CADPS2: variants seen among roughly 807,000 people sequenced by gnomAD.
The protein encoded by CADPS2 is calcium dependent secretion activator 2.
Under a neutral mutation model 172.5 loss-of-function variants are expected in CADPS2, and 93 were observed. That is an observed-to-expected ratio of 0.54 (90% CI 0.46 to 0.64). CADPS2 has a LOEUF of 0.64. Ranked by LOEUF, CADPS2 falls within the 30% of genes least tolerant of loss-of-function variation. CADPS2 has a pLI of 0.00. For synonymous variants in CADPS2, 546 were observed against 555.2 expected, an observed-to-expected ratio of 0.98 and a Z score of 0.23; for missense variants, 1,420 against 1,565.9, an observed-to-expected ratio of 0.91 and a Z score of 1.57.
chr7:122,734,270 C>T lies in CADPS2; in HGVS notation c.453+2685G>A, dbSNP rs183703164. Among the ~76,000 whole-genome samples the T allele has an allele frequency of 1.2e-4, 17 of 137,034 alleles. No individual in the cohort carries two copies. The East Asian group carries it at 3.2e-3, about 26-fold the overall frequency. The allele number at this position is 137,034 out of a possible 152,430, so 89.9% of individuals were successfully genotyped here. ...TTAATTTCTCTGATGTCTGAGATTG[C>T]TAATAGATTTTGAAGTGCCCACAGT... On this transcript the variant is annotated intron_variant, in intron 2 of 29. Coordinates refer to ENST00000449022, the MANE Select transcript of CADPS2 (RefSeq NM_017954.11).
At chr7:122,701,151 A>C in intron 2 of CADPS2, among the ~76,000 whole-genome samples, 1 of 151,800 alleles carries the variant, frequency 6.6e-6, no homozygotes, top group East Asian at 1.9e-4. Flanking sequence ...TAACTTGAAG[A>C]AAAAAAAATT....
At chr7:122,387,675 T>C (rs997228363) in intron 23 of CADPS2, among the ~76,000 whole-genome samples, 1 of 152,122 alleles carries the variant, frequency 6.6e-6, no homozygotes, top group African/African-American at 2.4e-5. Context: ...TTACATTCTC[T>C]TTCAAAAACC....
intron 2 of CADPS2, among the ~76,000 whole-genome samples, chr7:122,714,310 C>A (rs1331544603): frequency 6.6e-6 from 1 of 152,036 alleles, no homozygotes; most frequent in Non-Finnish European, 1.5e-5. Context: ...TCTATACCTA[C>A]AAGAATACAA....
intron 28 of CADPS2, among the ~76,000 whole-genome samples, chr7:122,334,260 T>G (rs886895528): frequency 6.6e-6 from 1 of 152,152 alleles, no homozygotes; most frequent in African/African-American, 2.4e-5. Flanking sequence ...CAGATGTTGA[T>G]GTACTCAGCC....
intron 3 of CADPS2, among the ~76,000 whole-genome samples, chr7:122,629,662 G>A (rs1278316327): frequency 1.3e-5 from 2 of 152,082 alleles, no homozygotes; most frequent in Non-Finnish European, 2.9e-5. Flanking sequence ...TGTATTTCTG[G>A]AGGGTGAGAT....
intron 12 of CADPS2, among the ~76,000 whole-genome samples, chr7:122,475,125 A>G (rs901912463): frequency 6.6e-6 from 1 of 152,218 alleles, no homozygotes; most frequent in African/African-American, 2.4e-5. Flanking sequence ...CAAAGGCCCA[A>G]ATTTATTGTT....
intron 1 of CADPS2, among the ~76,000 whole-genome samples, chr7:122,834,974 A>T (rs1399314651): frequency 6.6e-6 from 1 of 152,198 alleles, no homozygotes; most frequent in Admixed American, 6.5e-5. Context: ...CTGAGAACGG[A>T]CAGACTGCCT....
At chr7:122,344,427 G>A (rs986274665) in intron 28 of CADPS2, among the ~76,000 whole-genome samples, 7 of 152,150 alleles carry the variant, frequency 4.6e-5, no homozygotes, top group African/African-American at 7.2e-5. Context: ...TGACTGCTCT[G>A]TTAGTCTCCT....
chr7:122,723,655 T>C (rs1031693172), intron 2 of CADPS2, among the ~76,000 whole-genome samples: 5 of 152,204 alleles, frequency 3.3e-5, no homozygotes, highest in African/African-American at 1.2e-4. Context: ...AAATACCATT[T>C]GACCCAGTCA....
intron 1 of CADPS2, among the ~76,000 whole-genome samples, chr7:122,846,344 A>T (rs950979807): frequency 2.0e-5 from 3 of 152,224 alleles, no homozygotes; most frequent in Non-Finnish European, 2.9e-5. Flanking sequence ...CTGATATAAC[A>T]AGAAAATCAC....
intron 6 of CADPS2, among the ~76,000 whole-genome samples, chr7:122,609,385 C>T (rs1001939887): frequency 1.3e-5 from 2 of 152,176 alleles, no homozygotes; most frequent in African/African-American, 2.4e-5. Context: ...GGGTAAAATG[C>T]TATAAAAGTG....
chr7:122,707,242 C>G (rs1263070550), intron 2 of CADPS2, among the ~76,000 whole-genome samples: 1 of 151,772 alleles, frequency 6.6e-6, no homozygotes, highest in African/African-American at 2.4e-5. Context: ...ATGGCTCTGA[C>G]CTTAAGGAGG....
intron 3 of CADPS2, among the ~76,000 whole-genome samples, chr7:122,643,615 T>TA (rs2077942793): frequency 6.6e-6 from 1 of 152,094 alleles, no homozygotes; most frequent in South Asian, 2.1e-4. Context: ...TTCCTCAATA[T>TA]GGTTCCCCTA....
intron 1 of CADPS2, among the ~76,000 whole-genome samples, chr7:122,865,697 A>T (rs1818125419): frequency 1.3e-5 from 2 of 152,224 alleles, no homozygotes; most frequent in Non-Finnish European, 2.9e-5. Flanking sequence ...TTCTCTATAG[A>T]CAATCATGGT....
chr7:122,477,567 A>G (rs1586450462), intron 12 of CADPS2, among the ~76,000 whole-genome samples: 1 of 152,148 alleles, frequency 6.6e-6, no homozygotes, highest in African/African-American at 2.4e-5. Context: ...CAAAAAACAA[A>G]AAACCAAAAA....
At chr7:122,651,530 T>G (rs1312622736) in intron 3 of CADPS2, among the ~76,000 whole-genome samples, 1 of 152,204 alleles carries the variant, frequency 6.6e-6, no homozygotes, top group East Asian at 1.9e-4. Flanking sequence ...TGAAGCCTAC[T>G]TTTTAACCAT....
At chr7:122,823,423 GTTTAC>G (rs937115487) in intron 1 of CADPS2, among the ~76,000 whole-genome samples, 2 of 151,344 alleles carry the variant, frequency 1.3e-5, no homozygotes, top group African/African-American at 4.9e-5. Flanking sequence ...CCTCCCCCTT[GTTTAC>G]TTTACCCCCT....
At chr7:122,863,085 G>C (rs535306054) in intron 1 of CADPS2, among the ~76,000 whole-genome samples, 4 of 152,242 alleles carry the variant, frequency 2.6e-5, no homozygotes, top group South Asian at 4.1e-4. Flanking sequence ...AATGAAGGCT[G>C]ATACAAGCAT....
At chr7:122,803,258 T>A (rs1474165163) in intron 1 of CADPS2, among the ~76,000 whole-genome samples, 2 of 152,148 alleles carry the variant, frequency 1.3e-5, no homozygotes, top group Non-Finnish European at 2.9e-5. Context: ...CTTTAAAAAA[T>A]GCAAAATCTT....
Sources: allele counts gnomAD v4.1 joint callset (sites outside exome capture counted in the v4.1 genomes callset), GRCh38; gene constraint gnomAD v4.1.1; transcripts MANE v1.5; gene names NCBI Gene and HGNC (gene_info 2026-07-23, HGNC 2026-07-21).